The following TAF4B variants were observed in gnomAD, a reference collection of about 807,000 sequenced individuals.
The protein encoded by TAF4B is TATA-box binding protein associated factor 4b.
In TAF4B, 38 loss-of-function variants were observed where a neutral mutation model predicts 86.4. The observed-to-expected ratio is 0.44, with a 90% CI of 0.34 to 0.58. The LOEUF (loss-of-function observed/expected upper bound fraction) is 0.58, where lower values mean the gene tolerates loss of function less well. Among genes scored for constraint, TAF4B ranks in the 20% least tolerant of loss-of-function variants. The pLI is 0.02. For synonymous variants in TAF4B, 388 were observed against 391.2 expected (o/e 0.99, Z 0.10); for missense variants, 988 against 1,027.6 (o/e 0.96, Z 0.53).
chr18:26,282,514 A>G (rs754627716), intron 6 of TAF4B, among the ~76,000 whole-genome samples: 39 of 152,246 alleles, frequency 2.6e-4, no homozygotes, highest in Non-Finnish European at 4.6e-4. Flanking sequence ...TTATTGCTAA[A>G]AAGTGCTGAC....
intron 9 of TAF4B, among the ~76,000 whole-genome samples, chr18:26,309,855 G>GTCTC (rs2144654743): frequency 6.6e-6 from 1 of 152,146 alleles, no homozygotes; most frequent in Admixed American, 6.5e-5. Flanking sequence ...TTGAGATGAA[G>GTCTC]TCTCACTCTG....
At chr18:26,382,174 A>G (rs1259825378) in intron 14 of TAF4B, among the ~76,000 whole-genome samples, 1 of 152,238 alleles carries the variant, frequency 6.6e-6, no homozygotes, top group Non-Finnish European at 1.5e-5. Context: ...TTCTTAAAGA[A>G]AAATGTTTAG....
chr18:26,231,840 T>C (rs561499088), intron 1 of TAF4B, among the ~76,000 whole-genome samples: 2 of 152,278 alleles, frequency 1.3e-5, no homozygotes, highest in South Asian at 2.1e-4. Context: ...GCTTCCACAG[T>C]GTGGAAGGGG....
chr18:26,231,195 A>T (rs1598701138), intron 1 of TAF4B, among the ~76,000 whole-genome samples: 1 of 149,124 alleles, frequency 6.7e-6, no homozygotes, highest in Non-Finnish European at 1.5e-5. Context: ...ATGCGCCACC[A>T]CCCTTGGCTA....
chr18:26,269,222 C>CA (rs748809665), intron 3 of TAF4B, among the ~76,000 whole-genome samples: 1 of 151,936 alleles, frequency 6.6e-6, no homozygotes, highest in East Asian at 1.9e-4. Flanking sequence ...ACAAAGTCCT[C>CA]CAGTGAGTGT....
rs73395970 is a variant in TAF4B at position 26,372,577 on chromosome 18, C to T, written c.2421+14783C>T. Among the ~76,000 whole-genome samples the T allele has an allele frequency of 8.6e-3, 1,314 of 152,242 alleles. 13 individuals are homozygous for T. The highest frequency in any genetic ancestry group is 0.021 in the African/African-American group (880 of 41,536). On this transcript the variant is annotated intron_variant, in intron 14 of 14. Coordinates refer to ENST00000269142, the MANE Select transcript of TAF4B (RefSeq NM_005640.3). ...ATCAGGGCTATATTAAGTCTTATGA[C>T]GTATCAAGTCTTATGCAAAGGACCT...
chr18:26,366,665 G>A (rs1211386407), intron 14 of TAF4B, among the ~76,000 whole-genome samples: 14 of 152,076 alleles, frequency 9.2e-5, no homozygotes, highest in Non-Finnish European at 1.5e-5. Context: ...TCCCTTGTAA[G>A]GAAACAATAG....
At chr18:26,375,990 G>A (rs1192784421) in intron 14 of TAF4B, among the ~76,000 whole-genome samples, 2 of 152,064 alleles carry the variant, frequency 1.3e-5, no homozygotes, top group Non-Finnish European at 2.9e-5. Context: ...GATCTCAACA[G>A]CCTTGTCAAA....
intron 14 of TAF4B, among the ~76,000 whole-genome samples, chr18:26,379,836 C>A (rs1275898402): frequency 1.3e-5 from 2 of 152,106 alleles, no homozygotes; most frequent in East Asian, 3.8e-4. Flanking sequence ...CTTCTGTCAT[C>A]TTTATCTCAA....
chr18:26,265,123 T>C lies in TAF4B; in HGVS notation c.344-47T>C, dbSNP rs768197809. Reference sequence around the variant, plus strand: ...AGAAGAAAATATGTGATGGTTATGCTGTATTTAGTGGCTCAGAGGTCACTT... The same window carrying C: ...AGAAGAAAATATGTGATGGTTATGCCGTATTTAGTGGCTCAGAGGTCACTT... On this transcript the variant is annotated intron_variant, in intron 1 of 14. Transcript: ENST00000269142. 3.2e-6 allele frequency: 5 copies of C among 1,568,440 alleles called. No homozygotes were observed. In the Admixed American group the frequency reaches 9.8e-5, roughly 31 times the overall value.
At chr18:26,271,083 A>G (rs1429865179) in intron 3 of TAF4B, among the ~76,000 whole-genome samples, 4 of 152,256 alleles carry the variant, frequency 2.6e-5, no homozygotes, top group Non-Finnish European at 4.4e-5. Flanking sequence ...ATATCTGTCC[A>G]CTTTAAGGGA....
At chr18:26,311,739 A>G (rs2056856035) in intron 9 of TAF4B, among the ~76,000 whole-genome samples, 1 of 152,216 alleles carries the variant, frequency 6.6e-6, no homozygotes, top group South Asian at 2.1e-4. Context: ...AAGGGGGAAG[A>G]GTGCTAACTG....
At chr18:26,293,045 G>A (rs930162565) in intron 8 of TAF4B, among the ~76,000 whole-genome samples, 3 of 152,094 alleles carry the variant, frequency 2.0e-5, no homozygotes, top group African/African-American at 4.8e-5. Flanking sequence ...GCATGCATAT[G>A]TATGGAAATC....
chr18:26,385,068 CA>C (rs1978319407), intron 14 of TAF4B, among the ~76,000 whole-genome samples: 1 of 152,134 alleles, frequency 6.6e-6, no homozygotes, highest in African/African-American at 2.4e-5. Flanking sequence ...GGAGTCACTG[CA>C]AACCCCAACA....
At chr18:26,239,587 T>C (rs2055803954) in intron 1 of TAF4B, among the ~76,000 whole-genome samples, 1 of 152,234 alleles carries the variant, frequency 6.6e-6, no homozygotes. Context: ...AGCTCTTTAG[T>C]TTAATAAGAT....
chr18:26,330,888 C>T (rs1387783525), intron 12 of TAF4B, among the ~76,000 whole-genome samples: 3 of 152,184 alleles, frequency 2.0e-5, no homozygotes, highest in African/African-American at 7.2e-5. Context: ...CTGGCTGACT[C>T]CTCTGTCTGC....
chr18:26,229,875 T>C (rs2144414570), intron 1 of TAF4B, among the ~76,000 whole-genome samples: 1 of 152,234 alleles, frequency 6.6e-6, no homozygotes, highest in East Asian at 1.9e-4. Context: ...ATATGTCAGT[T>C]CTTCATTTTT....
intron 1 of TAF4B, among the ~76,000 whole-genome samples, chr18:26,259,433 C>T (rs2056132759): frequency 2.0e-5 from 3 of 152,026 alleles, no homozygotes; most frequent in Non-Finnish European, 4.4e-5. Context: ...TCCCTCCCCC[C>T]TCCTCCCACC....
intron 1 of TAF4B, among the ~76,000 whole-genome samples, chr18:26,245,886 C>T (rs575981318): frequency 6.5e-4 from 99 of 152,254 alleles, no homozygotes; most frequent in Admixed American, 1.1e-3. Flanking sequence ...CTTGCCTATT[C>T]GCAGGCGTTG....
Sources: gnomAD v4.1 joint callset for allele counts (sites outside exome capture counted in the v4.1 genomes callset) on GRCh38, gnomAD v4.1.1 for gene constraint, MANE v1.5 for transcripts, NCBI Gene and HGNC (gene_info 2026-07-23, HGNC 2026-07-21) for gene names.